Variants in RGL3 observed in about 807,000 individuals in gnomAD.
The protein encoded by RGL3 is ral guanine nucleotide dissociation stimulator like 3.
A neutral mutation model predicts 90.6 loss-of-function variants in RGL3; 85 were observed. The ratio of observed to expected loss-of-function variants is 0.94; its 90% confidence interval spans 0.79 to 1.12. RGL3 has a LOEUF of 1.12. Ranked by LOEUF, RGL3 falls within the 50% of genes most tolerant of loss-of-function variation. RGL3 has a pLI of 0.00. For missense variants in RGL3, 1,034 were observed against 939.2 expected (o/e 1.10, Z -1.32); for synonymous variants, 408 against 385.5 (o/e 1.06, Z -0.68).
At position 11,399,934 on chromosome 19, in the gene RGL3, G is replaced by A; in HGVS notation, c.1667C>T (p.Pro556Leu). 7 of 1,545,146 alleles carry A rather than the reference G, an allele frequency of 4.5e-6. No homozygotes were observed. The highest frequency in any genetic ancestry group is 6.1e-6 in the Non-Finnish European group (7 of 1,153,578). Residue 556 changes from proline (P) to leucine (L), a missense_variant, in exon 16 of 19, where the codon CCC (proline) becomes CTC (leucine). Coordinates refer to ENST00000380456, the MANE Select transcript of RGL3 (RefSeq NM_001035223.4). ...SPTSSVSPGS[P>L]PSSPRSRDAP... is the part of the protein sequence containing the mutation. ...ATCTCTGCTTCTAGGACTTGAGGGGGGTGACCCTGGGGACACACTGGGGGA... is the reference window on the plus strand; with the variant it reads ...ATCTCTGCTTCTAGGACTTGAGGGGAGTGACCCTGGGGACACACTGGGGGA...
At position 11,402,002 on chromosome 19, in the gene RGL3, G is replaced by A. The variant is rs1315325136; in HGVS notation, c.1484+9C>T. ...GGGGTGGGGCTGGGACAGGCTACAG[G>A]GTGGTCACCTCTGCTCCTCGGTGAG... On this transcript the variant is annotated intron_variant, in intron 13 of 18. Transcript: ENST00000380456. 6.5e-7 allele frequency: 1 copy of A among 1,533,764 alleles called. No homozygotes were observed. The highest frequency in any genetic ancestry group is 1.4e-5 in the African/African-American group (1 of 72,572).
chr19:11,395,579 A>C (rs1968550228), intron 18 of RGL3, among the ~76,000 whole-genome samples: 3 of 152,168 alleles, frequency 2.0e-5, no homozygotes, highest in South Asian at 4.1e-4. Flanking sequence ...TACAAACTTA[A>C]GATCAGACAA....
In RGL3 at chr19:11,407,897, G is replaced by A. The variant is rs1968809986; in HGVS notation, c.638-1033C>T. On this transcript the variant is annotated intron_variant, in intron 5 of 18. Transcript: ENST00000380456. ...GACAGGGTTTCACCATGTTGGCCAGGCTGGTCTTGAACTCCTGACCTCAAG... is the reference window on the plus strand; with the variant it reads ...GACAGGGTTTCACCATGTTGGCCAGACTGGTCTTGAACTCCTGACCTCAAG... Among the ~76,000 whole-genome samples the A allele has an allele frequency of 2.7e-5, 4 of 150,518 alleles. No individual in the cohort carries two copies. In the South Asian group the frequency reaches 8.3e-4, roughly 31 times the overall value.
At chr19:11,412,882 C>T (rs1325816010) in intron 5 of RGL3, among the ~76,000 whole-genome samples, 2 of 152,076 alleles carry the variant, frequency 1.3e-5, no homozygotes, top group African/African-American at 4.8e-5. Context: ...AGGAGAATCA[C>T]TTGAACCCAG....
In RGL3 at chr19:11,417,079, G is replaced by A. The variant is rs1969015803; in HGVS notation, c.148-20C>T. ...GGGAGCCTGCAGGAGGGGAGAGGTG[G>A]CCATGAGAGAGCAGGAGTGGTCCTC... On this transcript the variant is annotated intron_variant, in intron 2 of 18. Coordinates refer to ENST00000380456, the MANE Select transcript of RGL3 (RefSeq NM_001035223.4). 4 of 1,565,816 alleles carry A rather than the reference G, an allele frequency of 2.6e-6. No homozygotes were observed. The highest frequency in any genetic ancestry group is 3.5e-6 in the Non-Finnish European group (4 of 1,152,526).
chr19:11,402,164 G>GCCCCCCCCCC, intron 12 of RGL3, 32 bp from the exon 13 acceptor site: 1 of 1,585,728 alleles, frequency 6.3e-7, no homozygotes, highest in African/African-American at 1.3e-5. Flanking sequence ...CCCTACCCCT[G>GCCCCCCCCCC]CCCCACCCCC....
chr19:11,405,360 T>TA lies in RGL3; in HGVS notation c.1062_1063insT (p.Ile355TyrfsTer29). 1 of 1,612,474 alleles carries TA rather than the reference T, an allele frequency of 6.2e-7. No homozygotes were observed. The highest frequency in any genetic ancestry group is 8.5e-7 in the Non-Finnish European group (1 of 1,179,474). Reference sequence around the variant, plus strand: ...CCCCAGCTGCGCTTGAGCCGGTAGATGGGGTTAGATTGCAGGGCGGACAGG... The same window carrying TA: ...CCCCAGCTGCGCTTGAGCCGGTAGATAGGGGTTAGATTGCAGGGCGGACAGG... On this transcript the variant is annotated frameshift_variant, in exon 8 of 19. Coordinates refer to ENST00000380456, the MANE Select transcript of RGL3 (RefSeq NM_001035223.4). LOFTEE classifies it high-confidence loss of function.
Position 11,416,083 on chromosome 19 carries a change from G to A in RGL3, c.491C>T (p.Ala164Val), listed in dbSNP as rs160838. ...DHPQDFRDHP[A>V]HSDLGSVRTF... ...TCGGACACTGCCCAGGTCCGAATGG[G>A]CAGGGTGGTCTCGGAAATCCTGAGG... is the stretch of plus-strand genomic sequence containing the variant. The change falls in exon 5 of 19, where the codon GCC (alanine) becomes GTC (valine). Residue 164 changes from alanine (A) to valine (V), a missense_variant. By Grantham distance (64) the Ala-to-Val change is moderately conservative. Coordinates refer to ENST00000380456, the MANE Select transcript of RGL3 (RefSeq NM_001035223.4). 0.6 allele frequency: 957,537 copies of A among 1,609,254 alleles called. 286,779 individuals are homozygous for A. Among genetic ancestry groups the A allele is most frequent in the Admixed American group, 0.71 (41,692 of 58,826 alleles).
At chr19:11,412,280 CAA>C (rs35289278) in intron 5 of RGL3, among the ~76,000 whole-genome samples, 92 of 65,594 alleles carry the variant, frequency 1.4e-3, no homozygotes, top group African/African-American at 4.6e-3. Flanking sequence ...AACTCCGTCT[CAA>C]AAAAAAAAAA....
At chr19:11,400,625 GA>G (rs1428009952) in intron 13 of RGL3, among the ~76,000 whole-genome samples, 1 of 151,946 alleles carries the variant, frequency 6.6e-6, no homozygotes, top group African/African-American at 2.4e-5. Flanking sequence ...GCTGAGGCGA[GA>G]GGATTGCTTC....
intron 9 of RGL3, 105 bp downstream of exon 9, chr19:11,405,042 G>T: frequency 1.1e-6 from 1 of 939,180 alleles, no homozygotes; most frequent in Non-Finnish European, 1.8e-6. Flanking sequence ...CGGTAGGGAA[G>T]GACAGAGTGT....
intron 5 of RGL3, among the ~76,000 whole-genome samples, chr19:11,415,427 G>A (rs989559414): frequency 6.6e-6 from 1 of 151,656 alleles, no homozygotes; most frequent in Non-Finnish European, 1.5e-5. Context: ...CTGACCCAAC[G>A]GCACCAAGGA....
At chr19:11,397,223 C>T in intron 18 of RGL3, 21 bp downstream of exon 18, 1 of 1,607,382 alleles carries the variant, frequency 6.2e-7, no homozygotes, top group Non-Finnish European at 8.5e-7. Flanking sequence ...CTATCCTGAG[C>T]TCCAACCCAT....
chr19:11,414,347 ATATATATACCTT>A (rs1333244744), intron 5 of RGL3, among the ~76,000 whole-genome samples: 2 of 118,710 alleles, frequency 1.7e-5, no homozygotes, highest in Non-Finnish European at 3.4e-5. Flanking sequence ...ATACCTTTAT[ATATATATACCTT>A]TATATATACC....
At chr19:11,399,439 C>T (rs909001947) in intron 16 of RGL3, among the ~76,000 whole-genome samples, 2 of 152,064 alleles carry the variant, frequency 1.3e-5, no homozygotes, top group African/African-American at 4.8e-5. Flanking sequence ...GTGGTGCACA[C>T]CTGTGGTCCT....
At chr19:11,399,997 T>C in intron 15 of RGL3, 43 bp downstream of exon 15, 1 of 1,595,132 alleles carries the variant, frequency 6.3e-7, no homozygotes, top group South Asian at 1.1e-5. Context: ...TGCTGACTCC[T>C]GATCCCATGA....
intron 5 of RGL3, among the ~76,000 whole-genome samples, chr19:11,410,279 G>C (rs1257633129): frequency 6.6e-6 from 1 of 151,688 alleles, no homozygotes; most frequent in East Asian, 1.9e-4. Flanking sequence ...GGGATTACAG[G>C]CATGAGCCAT....
intron 7 of RGL3, 136 bp from the exon 8 acceptor site, chr19:11,405,562 G>T: frequency 1.4e-6 from 1 of 707,498 alleles, no homozygotes. Context: ...CTGTGGCCCA[G>T]GCTGGAGTGC....
chr19:11,399,938 A>G lies in RGL3; in HGVS notation c.1663T>C (p.Ser555Pro). 6.5e-7 allele frequency: 1 copy of G among 1,545,304 alleles called. No individual in the cohort carries two copies. Among genetic ancestry groups the G allele is most frequent in the South Asian group, 1.2e-5 (1 of 81,390 alleles). Residue 555 changes from serine to proline, a missense_variant, in exon 16 of 19, where the codon TCA becomes CCA. Physicochemically the swap from Ser to Pro is moderately conservative, Grantham distance 74 (BLOSUM62 -1). Coordinates refer to ENST00000380456, the MANE Select transcript of RGL3 (RefSeq NM_001035223.4). Reference protein sequence around the residue: ...SSPTSSVSPGSPPSSPRSRDA... With the variant: ...SSPTSSVSPGPPPSSPRSRDA... ...CTGCTTCTAGGACTTGAGGGGGGTG[A>G]CCCTGGGGACACACTGGGGGAGATG...
Sources: allele counts gnomAD v4.1 joint callset (sites outside exome capture counted in the v4.1 genomes callset), GRCh38; gene constraint gnomAD v4.1.1; transcripts MANE v1.5; gene names NCBI Gene and HGNC (gene_info 2026-07-23, HGNC 2026-07-21).